Variants in TBC1D31 observed in about 807,000 individuals in gnomAD.
TBC1D31 encodes WD repeat domain 67.
Under a neutral mutation model 132.9 loss-of-function variants are expected in TBC1D31, and 99 were observed. That is an observed-to-expected ratio of 0.74 (90% CI 0.63 to 0.88). The LOEUF is 0.88. Among genes scored for constraint, TBC1D31 ranks in the 40% least tolerant of loss-of-function variants. TBC1D31 has a pLI of 0.00. For missense variants in TBC1D31, 1,134 were observed against 1,256.6 expected (o/e 0.90, Z 1.48); for synonymous variants, 385 against 419.4 (o/e 0.92, Z 1.00).
rs1816913131 is a variant in TBC1D31, at chr8:123,097,186, A to T, written c.672-96A>T. Reference sequence around the variant, plus strand: ...AGTGTGACCATATTGCATAGCATAGACACAGTACATTTCTGTCATCATAGA... The same window carrying T: ...AGTGTGACCATATTGCATAGCATAGTCACAGTACATTTCTGTCATCATAGA... On this transcript the variant is annotated intron_variant, in intron 5 of 21. Coordinates refer to ENST00000287380, the MANE Select transcript of TBC1D31 (RefSeq NM_145647.4). The T allele has an allele frequency of 1.2e-5, 16 of 1,327,036 alleles. No homozygotes were observed. In the South Asian group the frequency reaches 1.7e-4, roughly 14 times the overall value. The allele number at this position is 1,327,036 out of a possible 1,614,324, so 82.2% of individuals were successfully genotyped here.
chr8:123,080,529 C>CTTTTTTTTTTTTTTTTTTT (rs57694076), intron 2 of TBC1D31, among the ~76,000 whole-genome samples: 1 of 76,320 alleles, frequency 1.3e-5, no homozygotes, highest in African/African-American at 5.5e-5. Flanking sequence ...TTCTTTTATT[C>CTTTTTTTTTTTTTTTTTTT]TTTTTTTTTT....
intron 20 of TBC1D31, among the ~76,000 whole-genome samples, chr8:123,148,361 A>G (rs568459374): frequency 7.9e-5 from 12 of 152,308 alleles, no homozygotes; most frequent in African/African-American, 2.6e-4. Flanking sequence ...GAACAGAGAT[A>G]ATATTTACAA....
chr8:123,128,203 T>C, intron 13 of TBC1D31, 78 bp from the exon 14 acceptor site: 1 of 739,488 alleles, frequency 1.4e-6, no homozygotes, highest in Non-Finnish European at 2.2e-6. Context: ...ATACACTTTT[T>C]TTAAATTCTT....
chr8:123,074,671 A>G (rs889570830), intron 1 of TBC1D31, among the ~76,000 whole-genome samples: 1 of 152,254 alleles, frequency 6.6e-6, no homozygotes, highest in Non-Finnish European at 1.5e-5. Context: ...TTCTTCCACT[A>G]AAGCATAGCT....
In TBC1D31 at chr8:123,109,505, C is replaced by G; in HGVS notation, c.1321C>G (p.Pro441Ala). ...CATTTGGCGCTCTCTGCTACAACTGCCTGAAAATCATACTGCGTTTAGTAC... is the reference window on the plus strand; with the variant it reads ...CATTTGGCGCTCTCTGCTACAACTGGCTGAAAATCATACTGCGTTTAGTAC... ...MFIWRSLLQLPENHTAFSTLI... is the reference protein window; with the variant it reads ...MFIWRSLLQLAENHTAFSTLI... The change falls in exon 10 of 22, where the codon CCT (proline) becomes GCT (alanine). Residue 441 changes from proline to alanine, a missense_variant. Physicochemically the swap from Pro to Ala is conservative, Grantham distance 27. Transcript: ENST00000287380. The G allele has an allele frequency of 6.2e-7, 1 of 1,613,826 alleles. No individual in the cohort carries two copies. Among genetic ancestry groups the G allele is most frequent in the Non-Finnish European group, 8.5e-7 (1 of 1,179,934 alleles).
chr8:123,119,953 A>G (rs1819314053), intron 10 of TBC1D31, 102 bp from the exon 11 acceptor site: 1 of 1,037,168 alleles, frequency 9.6e-7, no homozygotes, highest in African/African-American at 1.6e-5. Context: ...ATAGGGGTAC[A>G]AGGAAGAATT....
At chr8:123,112,528 C>T (rs188864732) in intron 10 of TBC1D31, among the ~76,000 whole-genome samples, 49 of 152,226 alleles carry the variant, frequency 3.2e-4, no homozygotes, top group African/African-American at 9.9e-4. Context: ...AATTTAACAA[C>T]GTATTTTGGA....
chr8:123,091,061 A>T (rs1183785183), intron 4 of TBC1D31, among the ~76,000 whole-genome samples: 2 of 152,188 alleles, frequency 1.3e-5, no homozygotes, highest in Non-Finnish European at 2.9e-5. Context: ...TTCTACAAGG[A>T]AAAACTACAG....
chr8:123,120,163 T>C lies in TBC1D31; in HGVS notation c.1545T>C (p.Cys515=). 6.2e-7 allele frequency: 1 copy of C among 1,608,914 alleles called. No individual in the cohort carries two copies. Residue 515 remains cysteine (C), a synonymous_variant, in exon 11 of 22, where the codon TGT becomes TGC. Transcript: ENST00000287380. ...VKLFQNNQLI[C]FEVIATLIIN... is the part of the protein sequence containing the mutation. ...TATTCCAGAACAACCAACTCATCTG[T>C]TTTGAAGTTATTGCTACTCTCATAA...
intron 6 of TBC1D31, among the ~76,000 whole-genome samples, chr8:123,098,205 G>T (rs189463982): frequency 6.7e-4 from 102 of 152,230 alleles, no homozygotes; most frequent in African/African-American, 2.2e-3. Context: ...TCTACCATTT[G>T]TCTAGTTGTT....
At chr8:123,084,023 A>T (rs1815462412) in intron 3 of TBC1D31, 139 bp from the exon 4 acceptor site, 1 of 683,942 alleles carries the variant, frequency 1.5e-6, no homozygotes, top group Admixed American at 2.6e-5. Context: ...ACAAGCTTCC[A>T]TTTTTGTGGA....
At chr8:123,109,724 C>A in intron 10 of TBC1D31, 104 bp downstream of exon 10, 1 of 1,078,856 alleles carries the variant, frequency 9.3e-7, no homozygotes, top group Non-Finnish European at 1.3e-6. Context: ...GTTTGATTAT[C>A]CTTATGTGAT....
At chr8:123,086,123 G>A (rs1815717622) in intron 4 of TBC1D31, among the ~76,000 whole-genome samples, 1 of 152,126 alleles carries the variant, frequency 6.6e-6, no homozygotes, top group Non-Finnish European at 1.5e-5. Flanking sequence ...TCCCCTGGCT[G>A]TCATCTCCTG....
intron 20 of TBC1D31, among the ~76,000 whole-genome samples, chr8:123,149,357 G>T (rs1370875253): frequency 6.6e-6 from 1 of 152,176 alleles, no homozygotes; most frequent in Admixed American, 6.5e-5. Context: ...ACATCTTACC[G>T]ATTTAATGAG....
intron 20 of TBC1D31, among the ~76,000 whole-genome samples, chr8:123,149,655 G>T (rs534874617): frequency 6.6e-6 from 1 of 152,172 alleles, no homozygotes; most frequent in Non-Finnish European, 1.5e-5. Flanking sequence ...CTTGCCTATG[G>T]CTGGCTCTGA....
chr8:123,145,288 A>G (rs1822086864), intron 20 of TBC1D31, among the ~76,000 whole-genome samples: 1 of 152,192 alleles, frequency 6.6e-6, no homozygotes. Context: ...GTAAAAGGTA[A>G]TCACTGGTTA....
intron 17 of TBC1D31, among the ~76,000 whole-genome samples, chr8:123,140,361 CA>C (rs1821529596): frequency 1.3e-5 from 2 of 151,952 alleles, no homozygotes; most frequent in African/African-American, 4.8e-5. Flanking sequence ...GACTCTGTCT[CA>C]AAAAATAAAA....
At chr8:123,159,748 C>T in the TBC1D31 span, among the ~76,000 whole-genome samples, 2 of 151,080 alleles carry the variant, frequency 1.3e-5, no homozygotes, top group African/African-American at 4.9e-5. Flanking sequence ...GCCGAGATCG[C>T]GTCACTGCAC....
intron 20 of TBC1D31, among the ~76,000 whole-genome samples, chr8:123,148,100 C>T (rs1023861911): frequency 8.0e-5 from 12 of 150,572 alleles, no homozygotes; most frequent in African/African-American, 2.9e-4. Context: ...GCACTCCAGC[C>T]TGGGCGACAG....
Sources: allele counts gnomAD v4.1 joint callset (sites outside exome capture counted in the v4.1 genomes callset), GRCh38; gene constraint gnomAD v4.1.1; transcripts MANE v1.5; gene names NCBI Gene and HGNC (gene_info 2026-07-23, HGNC 2026-07-21).